Variants in GRM7 observed in about 807,000 individuals in gnomAD.
GRM7 encodes the protein metabotropic glutamate receptor 7.
A neutral mutation model predicts 84.5 loss-of-function variants in GRM7; 35 were observed. The observed-to-expected ratio is 0.41, with a 90% CI of 0.32 to 0.55. GRM7 has a LOEUF of 0.55. Ranked by LOEUF, GRM7 falls within the 20% of genes least tolerant of loss-of-function variation. The pLI is 0.19. For missense variants in GRM7, 1,003 were observed against 1,194.6 expected, an observed-to-expected ratio of 0.84 and a Z score of 2.36; for synonymous variants, 487 against 455.1, an observed-to-expected ratio of 1.07 and a Z score of -0.89.
chr3:6,984,775 A>G (rs1281177979), intron 1 of GRM7, among the ~76,000 whole-genome samples: 1 of 152,176 alleles, frequency 6.6e-6, no homozygotes, highest in African/African-American at 2.4e-5. Flanking sequence ...GAGTTTCCTG[A>G]AAAATTAGGT....
intron 7 of GRM7, among the ~76,000 whole-genome samples, chr3:7,555,197 A>T (rs1181163867): frequency 6.6e-6 from 1 of 152,212 alleles, no homozygotes; most frequent in Non-Finnish European, 1.5e-5. Context: ...TATAGGTCTG[A>T]TTGGTTCACT....
At chr3:7,656,217 C>A (rs966567425) in intron 8 of GRM7, among the ~76,000 whole-genome samples, 1 of 152,008 alleles carries the variant, frequency 6.6e-6, no homozygotes, top group African/African-American at 2.4e-5. Flanking sequence ...TGGCTGGGCG[C>A]GATGGCTCAC....
At chr3:7,715,461 G>C (rs1045816826) in intron 9 of GRM7, among the ~76,000 whole-genome samples, 1 of 152,050 alleles carries the variant, frequency 6.6e-6, no homozygotes, top group African/African-American at 2.4e-5. Flanking sequence ...GCATGACCCT[G>C]TCTCAAAACA....
rs1700313371 is a variant in GRM7 at position 7,680,305 on chromosome 3, T to C, written c.2698+10T>C. The C allele has an allele frequency of 6.2e-7, 1 of 1,612,780 alleles. No homozygotes were observed. The highest frequency in any genetic ancestry group is 8.5e-7 in the Non-Finnish European group (1 of 1,178,884). On this transcript the variant is annotated intron_variant, in intron 9 of 9. Coordinates refer to ENST00000357716, the MANE Select transcript of GRM7 (RefSeq NM_000844.4). ...AACGTAGACCCAAACAGTAAGTAAC[T>C]CTCCGTTTCTTTCATCTTCCCACCC...
intron 8 of GRM7, among the ~76,000 whole-genome samples, chr3:7,669,174 A>G (rs1450595569): frequency 6.6e-6 from 1 of 152,224 alleles, no homozygotes; most frequent in East Asian, 1.9e-4. Flanking sequence ...TAAAAGAAAT[A>G]TGCAGCGAAT....
intron 1 of GRM7, among the ~76,000 whole-genome samples, chr3:6,942,406 C>T (rs1183514447): frequency 1.3e-5 from 2 of 152,114 alleles, no homozygotes; most frequent in Non-Finnish European, 2.9e-5. Context: ...GTTCACAAAA[C>T]TTCCTCCTGT....
intron 1 of GRM7, among the ~76,000 whole-genome samples, chr3:7,069,067 A>G (rs1559418649): frequency 6.6e-6 from 1 of 150,704 alleles, no homozygotes; most frequent in African/African-American, 2.4e-5. Flanking sequence ...TTTTATATAT[A>G]TATATATCAT....
chr3:7,541,847 A>G (rs1256964215), intron 7 of GRM7, among the ~76,000 whole-genome samples: 2 of 152,160 alleles, frequency 1.3e-5, no homozygotes, highest in African/African-American at 4.8e-5. Flanking sequence ...ATATACATGT[A>G]TTATTTCACA....
intron 7 of GRM7, among the ~76,000 whole-genome samples, chr3:7,572,877 T>TATAAAA (rs1694770286): frequency 1.5e-5 from 1 of 67,146 alleles, no homozygotes; most frequent in Admixed American, 1.5e-4. Context: ...TATATATATA[T>TATAAAA]ATAAATAATC....
At chr3:7,170,167 A>G (rs939195372) in intron 2 of GRM7, among the ~76,000 whole-genome samples, 1 of 152,160 alleles carries the variant, frequency 6.6e-6, no homozygotes, top group African/African-American at 2.4e-5. Flanking sequence ...CTCCATCTGG[A>G]GGAGAACTGG....
intron 1 of GRM7, among the ~76,000 whole-genome samples, chr3:6,999,050 A>C (rs898545094): frequency 1.3e-5 from 2 of 152,118 alleles, no homozygotes; most frequent in Admixed American, 6.5e-5. Context: ...TTTCTTTTCT[A>C]TTGCATTGTC....
intron 1 of GRM7, among the ~76,000 whole-genome samples, chr3:6,876,352 C>T (rs1346777523): frequency 1.3e-5 from 2 of 151,870 alleles, no homozygotes; most frequent in East Asian, 3.9e-4. Flanking sequence ...GTTTGCTTCT[C>T]CCCAGTTAAT....
At chr3:7,690,234 G>A (rs749013708) in intron 9 of GRM7, among the ~76,000 whole-genome samples, 11 of 152,154 alleles carry the variant, frequency 7.2e-5, no homozygotes, top group South Asian at 6.3e-4. Flanking sequence ...AGTTTCCTTC[G>A]TCTTTGTGCC....
rs528829182 is a variant in GRM7, at chr3:7,538,076, T to A, written c.1516-40346T>A. ...TGCTGATTCCATGATTAACCAGGAG[T>A]TTCTGCCTAGGTTGTTACTGCATTT... On this transcript the variant is annotated intron_variant, in intron 7 of 9. Coordinates refer to ENST00000357716, the MANE Select transcript of GRM7 (RefSeq NM_000844.4). Among the ~76,000 whole-genome samples the A allele has an allele frequency of 3.0e-4, 45 of 152,244 alleles. No individual in the cohort carries two copies. The South Asian group carries it at 9.3e-3, about 32-fold the overall frequency.
At chr3:7,263,742 G>C (rs1415271115) in intron 2 of GRM7, among the ~76,000 whole-genome samples, 1 of 152,110 alleles carries the variant, frequency 6.6e-6, no homozygotes, top group Non-Finnish European at 1.5e-5. Flanking sequence ...GGCAGGGGTG[G>C]GGCACTGCCA....
chr3:7,696,823 A>C (rs1701037948), intron 9 of GRM7, among the ~76,000 whole-genome samples: 1 of 152,176 alleles, frequency 6.6e-6, no homozygotes, highest in Admixed American at 6.5e-5. Flanking sequence ...GTGAATCGTG[A>C]ACAGTTAATA....
intron 1 of GRM7, among the ~76,000 whole-genome samples, chr3:7,038,902 T>C (rs1696486936): frequency 6.6e-6 from 1 of 152,088 alleles, no homozygotes; most frequent in African/African-American, 2.4e-5. Flanking sequence ...TTTATGCCGA[T>C]AGGTTTCTCA....
At chr3:6,920,584 C>G (rs977032699) in intron 1 of GRM7, among the ~76,000 whole-genome samples, 2 of 151,584 alleles carry the variant, frequency 1.3e-5, no homozygotes, top group Non-Finnish European at 2.9e-5. Context: ...TGATTGATGA[C>G]TTTTCCCACA....
chr3:7,091,534 T>G (rs767287373), intron 1 of GRM7, among the ~76,000 whole-genome samples: 2 of 151,942 alleles, frequency 1.3e-5, no homozygotes, highest in South Asian at 2.1e-4. Context: ...ATGACCTTTT[T>G]GGCAGTGTCT....
Sources: allele counts gnomAD v4.1 joint callset (sites outside exome capture counted in the v4.1 genomes callset), GRCh38; gene constraint gnomAD v4.1.1; transcripts MANE v1.5; gene names NCBI Gene and HGNC (gene_info 2026-07-23, HGNC 2026-07-21).